Variants in TUBGCP2 observed in about 807,000 individuals in gnomAD.
The protein encoded by TUBGCP2 is tubulin gamma complex component 2, also known as gamma-tubulin complex component 2.
TUBGCP2 carries 55 observed loss-of-function variants against 92.2 expected under a neutral mutation model. That is an observed-to-expected ratio of 0.60 (90% CI 0.48 to 0.75). TUBGCP2 has a LOEUF of 0.75. Ranked by LOEUF, TUBGCP2 falls within the 30% of genes least tolerant of loss-of-function variation. The pLI is 0.00. For synonymous variants in TUBGCP2, 533 were observed against 505.2 expected, an observed-to-expected ratio of 1.06 and a Z score of -0.74; for missense variants, 1,093 against 1,188.9, an observed-to-expected ratio of 0.92 and a Z score of 1.19.
At position 133,293,097 on chromosome 10, in the gene TUBGCP2, C is replaced by T; in HGVS notation, c.966G>A (p.Gln322=). 6.2e-7 allele frequency: 1 copy of T among 1,613,874 alleles called. No individual in the cohort carries two copies. The highest frequency in any genetic ancestry group is 8.5e-7 in the Non-Finnish European group (1 of 1,180,036). The change falls in exon 7 of 18, where the codon CAG becomes CAA. Residue 322 remains glutamine (Q), a synonymous_variant. Coordinates refer to ENST00000252936, the MANE Select transcript of TUBGCP2 (RefSeq NM_006659.4). ...QLHRQGLLSL[Q]KLWFYIQPAM... The stretch of plus-strand genomic sequence containing the variant: ...CTGGCTGGATGTAGAACCAGAGCTT[C>T]TGCAGCGAAAGGAGGCCCTGCCTGT...
At chr10:133,311,653 T>G, upstream of TUBGCP2, 30 of 1,403,810 alleles carry the variant, frequency 2.1e-5, no homozygotes, top group Non-Finnish European at 3.0e-5. Flanking sequence ...CATGTTCATT[T>G]CTGGGGAACA....
At chr10:133,311,456 A>G (rs1461403388), upstream of TUBGCP2, among the ~76,000 whole-genome samples, 4 of 152,226 alleles carry the variant, frequency 2.6e-5, no homozygotes, top group South Asian at 8.3e-4. Flanking sequence ...CACCATAAAA[A>G]TACTATTTTC....
chr10:133,279,907 AGG>A lies in TUBGCP2; in HGVS notation c.2574-8_2574-7del, dbSNP rs1846922774. ...AGAAACCATTGAAGTCAAGCCTGTG[AGG>A]AAGGACAGTGGAGCTGGGGTGCACA... On this transcript the variant is annotated splice_region_variant and splice_polypyrimidine_tract_variant and intron_variant, in intron 17 of 17. Coordinates refer to ENST00000252936, the MANE Select transcript of TUBGCP2 (RefSeq NM_006659.4). 6.2e-7 allele frequency: 1 copy of A among 1,609,014 alleles called. No individual in the cohort carries two copies. The highest frequency in any genetic ancestry group is 1.3e-5 in the African/African-American group (1 of 74,842).
chr10:133,288,455 A>AGGG, intron 10 of TUBGCP2, 146 bp from the exon 11 acceptor site: 8 of 1,034,568 alleles, frequency 7.7e-6, no homozygotes, highest in Admixed American at 2.8e-5. Context: ...GGTGCCCGCC[A>AGGG]CGGCCAGGGA....
At chr10:133,281,843 C>T (rs143850904) in intron 16 of TUBGCP2, among the ~76,000 whole-genome samples, 303 of 152,368 alleles carry the variant, frequency 2.0e-3, no homozygotes, top group Middle Eastern at 6.8e-3. Context: ...ACCCCGGAGC[C>T]GGCGCCGCAG....
At chr10:133,311,923 T>C (rs748727738), upstream of TUBGCP2, 9 of 1,613,154 alleles carry the variant, frequency 5.6e-6, no homozygotes, top group South Asian at 8.8e-5. Flanking sequence ...GGGCCGCAGC[T>C]CTTCTCATAC....
In TUBGCP2 at chr10:133,293,051, G is replaced by A. The variant is rs781734049; in HGVS notation, c.1012C>T (p.Leu338=). ...GGCGGGCACGCACCGAGGGAGGCCAGGATGTCCATGGTGCGCATGGCTGGC... is the reference window on the plus strand; with the variant it reads ...GGCGGGCACGCACCGAGGGAGGCCAAGATGTCCATGGTGCGCATGGCTGGC... The part of the protein sequence containing the change: ...IQPAMRTMDI[L]ASLATSVDKG... The change falls in exon 7 of 18, where the codon CTG becomes TTG. Residue 338 remains leucine (L), a synonymous_variant. Coordinates refer to ENST00000252936, the MANE Select transcript of TUBGCP2 (RefSeq NM_006659.4). 1 of 1,613,202 alleles carries A rather than the reference G, an allele frequency of 6.2e-7. No homozygotes were observed. The highest frequency in any genetic ancestry group is 8.5e-7 in the Non-Finnish European group (1 of 1,179,980).
At chr10:133,309,695 T>A, upstream of TUBGCP2, 1 of 1,522,468 alleles carries the variant, frequency 6.6e-7, no homozygotes, top group Non-Finnish European at 9.1e-7. Context: ...TTATTGGACG[T>A]CTCAAAGGGA....
rs757132928 is a variant in TUBGCP2 at position 133,288,246 on chromosome 10, C to T, written c.1605G>A (p.Ala535=). 17 of 1,613,656 alleles carry T rather than the reference C, an allele frequency of 1.1e-5. No individual in the cohort carries two copies. Among genetic ancestry groups the T allele is most frequent in the South Asian group, 7.7e-5 (7 of 91,092 alleles). ...CCACCGGCTTCCGGAGCTCCTCCTC[C>T]GCGAGGTCCATGAAGTGCACGAAGA... ...GDFFVHFMDL[A]EEELRKPVED... is the part of the protein sequence containing the mutation. Residue 535 remains alanine (A), a synonymous_variant, in exon 11 of 18, where the codon GCG becomes GCA. Transcript: ENST00000252936.
chr10:133,311,484 T>C, upstream of TUBGCP2: 1 of 476,282 alleles, frequency 2.1e-6, no homozygotes, highest in Non-Finnish European at 3.7e-6. Flanking sequence ...AGTATGATTG[T>C]TACAGTTAAG....
intron 7 of TUBGCP2, 113 bp downstream of exon 7, chr10:133,292,926 C>G: frequency 7.7e-7 from 1 of 1,294,382 alleles, no homozygotes; most frequent in Non-Finnish European, 1.1e-6. Flanking sequence ...TGGCCACACG[C>G]CCCTGCCCTG....
At chr10:133,303,888 A>G (rs1198831307) in intron 1 of TUBGCP2, among the ~76,000 whole-genome samples, 1 of 152,208 alleles carries the variant, frequency 6.6e-6, no homozygotes, top group Non-Finnish European at 1.5e-5. Context: ...GGCGTCACAG[A>G]CACCCAAGTG....
chr10:133,300,990 G>A (rs2136136432), intron 2 of TUBGCP2, among the ~76,000 whole-genome samples: 1 of 152,272 alleles, frequency 6.6e-6, no homozygotes, highest in Middle Eastern at 3.4e-3. Flanking sequence ...GTACTGGAGA[G>A]TAGCGACTTA....
chr10:133,300,238 C>T (rs1847610030), intron 2 of TUBGCP2, 125 bp from the exon 3 acceptor site: 1 of 1,168,392 alleles, frequency 8.6e-7, no homozygotes. Context: ...ATAATTATCC[C>T]TCTGAAATAA....
rs1447816570 is a variant in TUBGCP2 at position 133,285,791 on chromosome 10, A to G, written c.1723-163T>C. Among the ~76,000 whole-genome samples the G allele has an allele frequency of 6.6e-6, 1 of 152,184 alleles. No homozygotes were observed. The highest frequency in any genetic ancestry group is 1.5e-5 in the Non-Finnish European group (1 of 68,036). ...TTCAAAAACCCAAACATCTACTGAT[A>G]AATCAAATTCAAAACTGAACCACTT... On this transcript the variant is annotated intron_variant, in intron 11 of 17. Transcript: ENST00000252936. This position sits in a 1 kb window ranked among gnomAD's most constrained non-coding sequence, Gnocchi z 6.8.
Position 133,299,417 on chromosome 10 carries a change from G to A in TUBGCP2, c.456+10C>T. ...AGCATGGAGCCTGTGGACAGCCATGGACGCAGTACCTGCTGCAGCGTGGAG... is the reference window on the plus strand; with the variant it reads ...AGCATGGAGCCTGTGGACAGCCATGAACGCAGTACCTGCTGCAGCGTGGAG... On this transcript the variant is annotated intron_variant, in intron 4 of 17. Transcript: ENST00000252936. 6.3e-7 allele frequency: 1 copy of A among 1,582,582 alleles called. No homozygotes were observed. Among genetic ancestry groups the A allele is most frequent in the South Asian group, 1.1e-5 (1 of 89,144 alleles).
Position 133,282,207 on chromosome 10 carries a change from C to A in TUBGCP2, c.2409+16G>T. ...GAGGAAGCGTCTCTCTCTGGCCAAA[C>A]CTGGAGGCCACGCACCTTCCTGGCG... On this transcript the variant is annotated intron_variant, in intron 16 of 17. Coordinates refer to ENST00000252936, the MANE Select transcript of TUBGCP2 (RefSeq NM_006659.4). 1 of 1,611,560 alleles carries A rather than the reference C, an allele frequency of 6.2e-7. No individual in the cohort carries two copies. The highest frequency in any genetic ancestry group is 8.5e-7 in the Non-Finnish European group (1 of 1,179,766).
upstream of TUBGCP2, chr10:133,309,724 G>A (rs1589842503): frequency 5.0e-6 from 8 of 1,601,406 alleles, no homozygotes; most frequent in East Asian, 1.8e-4. Context: ...AGAAAGTCCA[G>A]CTTGGTTCCT....
Position 133,292,674 on chromosome 10 carries a change from T to C in TUBGCP2, c.1039A>G (p.Lys347Glu). Reference protein sequence around the residue: ...ILASLATSVDKGECLGGSTLS... With the variant: ...ILASLATSVDEGECLGGSTLS... ...GTGGACCCCCCAAGACATTCGCCTT[T>C]GTCCACCGAGGTGGCTGTGGGGAGA... Residue 347 changes from lysine to glutamate, a missense_variant, in exon 8 of 18, where the codon AAA becomes GAA. Transcript: ENST00000252936. 6.2e-7 allele frequency: 1 copy of C among 1,613,650 alleles called. No homozygotes were observed. The highest frequency in any genetic ancestry group is 8.5e-7 in the Non-Finnish European group (1 of 1,179,810).
Sources: gnomAD v4.1 joint callset for allele counts (sites outside exome capture counted in the v4.1 genomes callset) on GRCh38, gnomAD v4.1.1 for gene constraint, Gnocchi (gnomAD v3.1) non-coding constraint, MANE v1.5 for transcripts, NCBI Gene and HGNC (gene_info 2026-07-23, HGNC 2026-07-21) for gene names.